The following CALN1 variants were observed in gnomAD, a reference collection of about 807,000 sequenced individuals.
CALN1 encodes the protein calcium-binding protein 8.
Under a neutral mutation model 30.6 loss-of-function variants are expected in CALN1, and 17 were observed. That is an observed-to-expected ratio of 0.56 (90% CI 0.38 to 0.83). The LOEUF (loss-of-function observed/expected upper bound fraction) is 0.83, where lower values mean the gene tolerates loss of function less well. Among genes scored for constraint, CALN1 ranks in the 40% least tolerant of loss-of-function variants. The pLI is 0.00. For synonymous variants in CALN1, 156 were observed against 131.4 expected, an observed-to-expected ratio of 1.19 and a Z score of -1.28; for missense variants, 291 against 354.9, an observed-to-expected ratio of 0.82 and a Z score of 1.45.
Position 71,783,986 on chromosome 7 carries a change from A to G in CALN1, c.*3789T>C, listed in dbSNP as rs1385355767. 1 of 152,192 alleles carries G rather than the reference A, an allele frequency of 6.6e-6. No homozygotes were observed. The highest frequency in any genetic ancestry group is 2.1e-4 in the South Asian group (1 of 4,830). 9.4% of individuals were successfully genotyped at this position (152,192 alleles called of 1,614,324 possible). A position where few individuals can be genotyped will look rare whatever the true frequency, so the allele number is the denominator to read the frequency against. On this transcript the variant is annotated 3_prime_UTR_variant, in exon 7 of 7. Coordinates refer to ENST00000395275, the MANE Select transcript of CALN1 (RefSeq NM_031468.4). Reference sequence around the variant, plus strand: ...TCTGAAACCACTGGGTTTGCCTAAGACCACACCTAAACCTCAGTTCACCAA... The same window carrying G: ...TCTGAAACCACTGGGTTTGCCTAAGGCCACACCTAAACCTCAGTTCACCAA...
At chr7:72,487,762 G>GAAGGAAGGAAGGAAGGGAA in the CALN1 span, among the ~76,000 whole-genome samples, 1 of 98,468 alleles carries the variant, frequency 1.0e-5, no homozygotes, top group Non-Finnish European at 1.9e-5. Context: ...AGGAAGGAAG[G>GAAGGAAGGAAGGAAGGGAA]GTAAAGAAAG....
chr7:72,251,822 T>TAGATTTGCAAGACATTACCAC (rs907006555), intron 3 of CALN1, among the ~76,000 whole-genome samples: 1 of 152,122 alleles, frequency 6.6e-6, no homozygotes, highest in Non-Finnish European at 1.5e-5. Flanking sequence ...TACAGTACCA[T>TAGATTTGCAAGACATTACCAC]AGATTTGCAA....
chr7:72,295,693 T>C (rs1798805302), intron 2 of CALN1, among the ~76,000 whole-genome samples: 1 of 149,152 alleles, frequency 6.7e-6, no homozygotes, highest in South Asian at 2.2e-4. Flanking sequence ...AGAATGCTTG[T>C]GATTTTTGTA....
At chr7:72,051,620 A>T (rs1019641026) in intron 4 of CALN1, among the ~76,000 whole-genome samples, 6 of 152,334 alleles carry the variant, frequency 3.9e-5, no homozygotes, top group Admixed American at 3.9e-4. Context: ...CACAAAAGAA[A>T]ACCAACCAAC....
intron 3 of CALN1, among the ~76,000 whole-genome samples, chr7:72,255,671 C>T (rs1795860681): frequency 1.3e-5 from 2 of 151,654 alleles, no homozygotes; most frequent in Admixed American, 1.3e-4. Flanking sequence ...TGGCCTCAGC[C>T]TCCCAAAGTG....
chr7:71,948,743 AAT>A lies in CALN1; in HGVS notation c.501+74912_501+74913del, dbSNP rs1377971949. On this transcript the variant is annotated intron_variant, in intron 5 of 6. Transcript: ENST00000395275. ...GAGACTCTGTCTCAAAAAAAAAAAAAATAATAATTTGTTTTCAGCCAGGTGCA... is the reference window on the plus strand; with the variant it reads ...GAGACTCTGTCTCAAAAAAAAAAAAAAATAATTTGTTTTCAGCCAGGTGCA... 1.1e-3 allele frequency among the ~76,000 whole-genome samples: 160 copies of A among 143,508 alleles called. 8 individuals are homozygous for A. Among genetic ancestry groups the A allele is most frequent in the South Asian group, 4.7e-3 (21 of 4,452 alleles). The allele number at this position is 143,508 out of a possible 152,430, so 94.1% of individuals were successfully genotyped here.
At position 72,429,324 on chromosome 7, in the gene CALN1, T is replaced by A. The variant is rs555955736; in HGVS notation, c.-225-17049A>T. Among the ~76,000 whole-genome samples, 7 of 152,270 alleles carry A rather than the reference T, an allele frequency of 4.6e-5. No homozygotes were observed. The South Asian group carries it at 1.5e-3, about 32-fold the overall frequency. On this transcript the variant is annotated intron_variant, in intron 1 of 6. Transcript: ENST00000395276. ...TCCCGTCAGAGCAGGACCTTATTGG[T>A]TTTGTTCCTTGCAACATCTCCAGCA...
intron 5 of CALN1, among the ~76,000 whole-genome samples, chr7:72,008,601 T>C (rs889537026): frequency 2.0e-5 from 3 of 150,800 alleles, no homozygotes; most frequent in Non-Finnish European, 4.4e-5. Flanking sequence ...ATCACTAAAA[T>C]AGACAATCAT....
chr7:72,254,873 TCTC>T (rs1795808786), intron 3 of CALN1, among the ~76,000 whole-genome samples: 1 of 152,084 alleles, frequency 6.6e-6, no homozygotes, highest in Admixed American at 6.6e-5. Flanking sequence ...TTCAAGCAAT[TCTC>T]CTGCCTCAGC....
At chr7:71,909,301 A>T (rs1438344649) in intron 5 of CALN1, among the ~76,000 whole-genome samples, 1 of 152,150 alleles carries the variant, frequency 6.6e-6, no homozygotes, top group African/African-American at 2.4e-5. Context: ...TATGATGTTT[A>T]ATTTTGAGTT....
At chr7:72,312,214 G>C (rs377213678) in intron 2 of CALN1, among the ~76,000 whole-genome samples, 6 of 152,062 alleles carry the variant, frequency 3.9e-5, no homozygotes, top group South Asian at 2.1e-4. Flanking sequence ...GACCAGCCTA[G>C]CCAACATGGT....
chr7:72,019,207 G>A (rs963472538), intron 5 of CALN1, among the ~76,000 whole-genome samples: 1 of 152,082 alleles, frequency 6.6e-6, no homozygotes, highest in Non-Finnish European at 1.5e-5. Flanking sequence ...TTGCTTCTCA[G>A]TGATACAGAG....
At chr7:72,164,711 C>T (rs897209629) in intron 3 of CALN1, among the ~76,000 whole-genome samples, 4 of 152,198 alleles carry the variant, frequency 2.6e-5, no homozygotes, top group African/African-American at 9.7e-5. Flanking sequence ...GGGTTTCCCT[C>T]TGTCACCCAG....
chr7:72,005,375 C>A (rs983350282), intron 5 of CALN1, among the ~76,000 whole-genome samples: 7 of 152,170 alleles, frequency 4.6e-5, no homozygotes, highest in Non-Finnish European at 1.0e-4. Context: ...TTCACCCAGG[C>A]TGGAGTTCAG....
At chr7:71,964,463 G>A (rs1436573496) in intron 5 of CALN1, among the ~76,000 whole-genome samples, 1 of 152,186 alleles carries the variant, frequency 6.6e-6, no homozygotes, top group Non-Finnish European at 1.5e-5. Context: ...TGTATCCTGG[G>A]TTCTTGCCCT....
chr7:72,180,632 G>A (rs1333817030), intron 3 of CALN1, among the ~76,000 whole-genome samples: 4 of 128,312 alleles, frequency 3.1e-5, no homozygotes. Flanking sequence ...TTTAGAGACA[G>A]GATCTCACAG....
chr7:71,858,345 T>G (rs1407173196), intron 5 of CALN1, among the ~76,000 whole-genome samples: 3 of 152,140 alleles, frequency 2.0e-5, no homozygotes, highest in African/African-American at 7.2e-5. Context: ...CTTTCCTTTA[T>G]AAATCACCCA....
rs534867130 is a variant in CALN1 at position 71,906,347 on chromosome 7, A to G, written c.502-95855T>C. Reference sequence around the variant, plus strand: ...CGTATTTCCCGGGCCATGAGCCAGCAGGCAGTGAGGAGGAGCTTAGATATT... The same window carrying G: ...CGTATTTCCCGGGCCATGAGCCAGCGGGCAGTGAGGAGGAGCTTAGATATT... On this transcript the variant is annotated intron_variant, in intron 5 of 6. Coordinates refer to ENST00000395275, the MANE Select transcript of CALN1 (RefSeq NM_031468.4). Among the ~76,000 whole-genome samples, 7 of 152,308 alleles carry G rather than the reference A, an allele frequency of 4.6e-5. No homozygotes were observed. The East Asian group carries it at 1.2e-3, about 25-fold the overall frequency.
chr7:72,286,296 G>T (rs1798073845), intron 2 of CALN1, among the ~76,000 whole-genome samples: 1 of 152,174 alleles, frequency 6.6e-6, no homozygotes, highest in Non-Finnish European at 1.5e-5. Flanking sequence ...CCACTGTGAA[G>T]CAACAACTTT....
Sources: gnomAD v4.1 joint callset for allele counts (sites outside exome capture counted in the v4.1 genomes callset) on GRCh38, gnomAD v4.1.1 for gene constraint, MANE v1.5 for transcripts, NCBI Gene and HGNC (gene_info 2026-07-23, HGNC 2026-07-21) for gene names.